SKP1: variants seen among roughly 807,000 people sequenced by gnomAD.
The protein encoded by SKP1 is S-phase kinase-associated protein 1.
SKP1 carries 1 observed loss-of-function variant against 21.5 expected under a neutral mutation model. That is an observed-to-expected ratio of 0.05 (90% confidence interval 0.02 to 0.22). SKP1 has a LOEUF of 0.22. Among genes scored for constraint, SKP1 ranks in the 10% least tolerant of loss-of-function variants. The pLI, the probability that SKP1 is intolerant of heterozygous loss-of-function variation, is 1.00. For synonymous variants in SKP1, 59 were observed against 59.3 expected (o/e 0.99, Z 0.03); for missense variants, 70 against 192.0 (o/e 0.36, Z 3.76).
intron 5 of SKP1, 97 bp from the exon 6 acceptor site, chr5:134,157,865 A>G (rs1761147807): frequency 6.8e-6 from 11 of 1,608,318 alleles, no homozygotes; most frequent in Non-Finnish European, 9.3e-6. Flanking sequence ...CAGTGAGTTG[A>G]GTCAGAAGAA....
At chr5:134,166,437 T>C (rs965240900) in intron 3 of SKP1, among the ~76,000 whole-genome samples, 1 of 150,670 alleles carries the variant, frequency 6.6e-6, no homozygotes, top group African/African-American at 2.4e-5. Flanking sequence ...AAAAATTAGC[T>C]GGGCATGGTG....
chr5:134,176,374 G>A (rs1285084925), intron 1 of SKP1, among the ~76,000 whole-genome samples: 3 of 152,148 alleles, frequency 2.0e-5, no homozygotes, highest in East Asian at 3.9e-4. Context: ...GGCGGCCTCA[G>A]ACCACCACCG....
intron 4 of SKP1, among the ~76,000 whole-genome samples, chr5:134,160,752 G>A (rs530913140): frequency 5.6e-4 from 85 of 152,162 alleles, no homozygotes; most frequent in African/African-American, 1.9e-3. Flanking sequence ...TATTTAAAGC[G>A]GGTTTCTTAC....
intron 2 of SKP1, among the ~76,000 whole-genome samples, chr5:134,168,577 G>A (rs1244898839): frequency 6.6e-6 from 1 of 152,138 alleles, no homozygotes; most frequent in Non-Finnish European, 1.5e-5. Context: ...AAAGAACATG[G>A]GTTAAGGGAC....
In SKP1 at chr5:134,167,611, C is replaced by G. The variant is rs189169412; in HGVS notation, c.98-368G>C. The stretch of plus-strand genomic sequence containing the variant: ...CATCTCGGCTCACTGCAAGCTCCGC[C>G]TCCCGGGTTCACACCATTCTCCTGC... On this transcript the variant is annotated intron_variant, in intron 2 of 5. Coordinates refer to ENST00000353411, the MANE Select transcript of SKP1 (RefSeq NM_170679.3). 6.7e-3 allele frequency among the ~76,000 whole-genome samples: 1,017 copies of G among 152,182 alleles called. 9 individuals carry two copies. The highest frequency in any genetic ancestry group is 0.023 in the African/African-American group (942 of 41,506).
chr5:134,162,738 A>G (rs183081930), intron 3 of SKP1, among the ~76,000 whole-genome samples: 57 of 152,284 alleles, frequency 3.7e-4, no homozygotes, highest in Non-Finnish European at 2.2e-4. Context: ...TTCCAACTAT[A>G]TAAGAAAATT....
chr5:134,157,807 T>A, intron 5 of SKP1, 39 bp from the exon 6 acceptor site: 1 of 1,611,650 alleles, frequency 6.2e-7, no homozygotes, highest in Non-Finnish European at 8.5e-7. Flanking sequence ...TTAACTTGAG[T>A]AGTCTTTCCT....
At chr5:134,159,487 T>G (rs1761180094) in intron 4 of SKP1, among the ~76,000 whole-genome samples, 1 of 152,006 alleles carries the variant, frequency 6.6e-6, no homozygotes, top group Non-Finnish European at 1.5e-5. Context: ...TTCAGCCAAT[T>G]CTCTTGCTTC....
intron 3 of SKP1, among the ~76,000 whole-genome samples, chr5:134,164,174 T>C (rs1580927604): frequency 1.3e-5 from 2 of 151,626 alleles, no homozygotes; most frequent in African/African-American, 4.9e-5. Flanking sequence ...TACAAAAAAT[T>C]AGCCGGGCGT....
At chr5:134,158,332 A>G (rs2149372896) in intron 5 of SKP1, 123 bp downstream of exon 5, 2 of 1,577,904 alleles carry the variant, frequency 1.3e-6, no homozygotes, top group Non-Finnish European at 1.7e-6. Context: ...AAGACACATT[A>G]AGTACATATT....
intron 5 of SKP1, 109 bp downstream of exon 5, chr5:134,158,346 C>T (rs1285766761): frequency 6.3e-7 from 1 of 1,594,852 alleles, no homozygotes; most frequent in Admixed American, 1.7e-5. Flanking sequence ...ACATATTATC[C>T]CTAAAGTATC....
chr5:134,162,075 A>C (rs1006445625), intron 3 of SKP1, among the ~76,000 whole-genome samples: 10 of 152,018 alleles, frequency 6.6e-5, no homozygotes, highest in African/African-American at 2.2e-4. Flanking sequence ...AAAAAAAGAA[A>C]GAACAATTTC....
rs1281495771 is a variant in SKP1 at position 134,157,780 on chromosome 5, G to T, written c.457-12C>A. On this transcript the variant is annotated splice_polypyrimidine_tract_variant and intron_variant, in intron 5 of 5. Transcript: ENST00000353411. ...TTCTCTTTGCGTACCTAAAAGAGAT[G>T]GATATAGGGAAGTACCTTAACTTGA... 6.2e-7 allele frequency: 1 copy of T among 1,613,020 alleles called. No individual in the cohort carries two copies. Among genetic ancestry groups the T allele is most frequent in the African/African-American group, 1.3e-5 (1 of 74,906 alleles).
At chr5:134,158,817 T>C (rs1761166046) in intron 4 of SKP1, among the ~76,000 whole-genome samples, 1 of 152,218 alleles carries the variant, frequency 6.6e-6, no homozygotes, top group South Asian at 2.1e-4. Context: ...TTAACCAAAC[T>C]ATACTAGCTC....
At chr5:134,164,030 A>C (rs1761277747) in intron 3 of SKP1, among the ~76,000 whole-genome samples, 1 of 152,068 alleles carries the variant, frequency 6.6e-6, no homozygotes, top group Non-Finnish European at 1.5e-5. Flanking sequence ...TGTTTAAAAG[A>C]TTATCTTCGG....
intron 5 of SKP1, chr5:134,158,189 C>G (rs996616238): frequency 7.2e-7 from 1 of 1,396,760 alleles, no homozygotes; most frequent in African/African-American, 1.5e-5. Context: ...CAGAAAGTTG[C>G]AGGTGCCAAA....
At chr5:134,175,992 AC>A (rs1761535453) in intron 1 of SKP1, among the ~76,000 whole-genome samples, 1 of 152,202 alleles carries the variant, frequency 6.6e-6, no homozygotes, top group Non-Finnish European at 1.5e-5. Flanking sequence ...TTTAGACTGC[AC>A]AGTGGAGGAG....
chr5:134,173,012 C>CAAA (rs199935510), intron 2 of SKP1, among the ~76,000 whole-genome samples: 1 of 94,746 alleles, frequency 1.1e-5, no homozygotes, highest in South Asian at 3.2e-4. Context: ...GACTCCGTCT[C>CAAA]AAAAAAAAAA....
At position 134,167,089 on chromosome 5, in the gene SKP1, CAT is replaced by C. The variant is rs1222155468; in HGVS notation, c.171+79_171+80del. On this transcript the variant is annotated intron_variant, in intron 3 of 5. Transcript: ENST00000353411. ...TAAGCAGTAAATTATAAAATTCTAA[CAT>C]AGATTGTTGAATTACTTGTATTAAT... is the stretch of plus-strand genomic sequence containing the variant. 5 of 703,012 alleles carry C rather than the reference CAT, an allele frequency of 7.1e-6. 1 individual carries two copies. The highest frequency in any genetic ancestry group is 3.7e-5 in the South Asian group (2 of 54,112). The allele number at this position is 703,012 out of a possible 1,614,324, so 43.5% of individuals were successfully genotyped here.
Sources: gnomAD v4.1 joint callset for allele counts (sites outside exome capture counted in the v4.1 genomes callset) on GRCh38, gnomAD v4.1.1 for gene constraint, MANE v1.5 for transcripts, NCBI Gene and HGNC (gene_info 2026-07-23, HGNC 2026-07-21) for gene names.